Variants in NUMB observed in about 807,000 individuals in gnomAD.
NUMB encodes protein numb homolog.
Under a neutral mutation model 59.7 loss-of-function variants are expected in NUMB, and 29 were observed. The ratio of observed to expected loss-of-function variants is 0.49; its 90% CI spans 0.36 to 0.66. NUMB has a LOEUF of 0.66. NUMB is among the 30% of genes least tolerant of loss of function. The pLI is 0.00. For missense variants in NUMB, 723 were observed against 822.0 expected (o/e 0.88, Z 1.47); for synonymous variants, 288 against 288.2 (o/e 1.00, Z 0.01).
intron 3 of NUMB, among the ~76,000 whole-genome samples, chr14:73,358,220 T>A (rs995729846): frequency 6.6e-6 from 1 of 152,212 alleles, no homozygotes; most frequent in African/African-American, 2.4e-5. Context: ...AATACTCAAG[T>A]ATAAGTGATA....
chr14:73,359,164 A>G lies in NUMB; in HGVS notation c.-15-3398T>C, dbSNP rs1166959442. Among the ~76,000 whole-genome samples, 5 of 152,352 alleles carry G rather than the reference A, an allele frequency of 3.3e-5. No homozygotes were observed. The East Asian group carries it at 5.8e-4, about 18-fold the overall frequency. ...TTTAAAAAATGAATTTGGAAAAACG[A>G]AAACACATAATTATGATATCTTGCT... On this transcript the variant is annotated intron_variant, in intron 3 of 12. Coordinates refer to ENST00000555238, the MANE Select transcript of NUMB (RefSeq NM_001005743.2).
intron 1 of NUMB, among the ~76,000 whole-genome samples, chr14:73,437,470 G>A (rs990213114): frequency 9.2e-5 from 14 of 152,280 alleles, no homozygotes; most frequent in African/African-American, 3.4e-4. Context: ...ATACAACCTG[G>A]ATCTGAGGTA....
At chr14:73,353,544 T>C (rs564649070) in intron 4 of NUMB, among the ~76,000 whole-genome samples, 2 of 150,862 alleles carry the variant, frequency 1.3e-5, no homozygotes, top group South Asian at 4.3e-4. Flanking sequence ...AAATGAAAAG[T>C]GCATTTAAAA....
chr14:73,364,261 GGGCGGATAACTTGA>G (rs1389909630), intron 3 of NUMB, among the ~76,000 whole-genome samples: 4 of 152,134 alleles, frequency 2.6e-5, no homozygotes, highest in Admixed American at 6.5e-5. Context: ...GTGCTGAGGT[GGGCGGATAACTTGA>G]GGCGGATAAC....
intron 2 of NUMB, among the ~76,000 whole-genome samples, chr14:73,377,994 T>TAC (rs61489875): frequency 0.063 from 9,255 of 146,486 alleles, 577 homozygotes; most frequent in African/African-American, 0.17. Flanking sequence ...TATATACACA[T>TAC]ACACACACAC....
intron 1 of NUMB, among the ~76,000 whole-genome samples, chr14:73,434,346 C>A (rs1472896654): frequency 6.6e-6 from 1 of 152,144 alleles, no homozygotes; most frequent in African/African-American, 2.4e-5. Flanking sequence ...TAGCTGCCCT[C>A]ACAGGAGTTA....
In NUMB at chr14:73,335,009, T is replaced by C. The variant is rs140225041; in HGVS notation, c.127-11805A>G. 3.4e-3 allele frequency among the ~76,000 whole-genome samples: 518 copies of C among 152,106 alleles called. 2 individuals carry two copies. Among genetic ancestry groups the C allele is most frequent in the Middle Eastern group, 0.01 (3 of 294 alleles). On this transcript the variant is annotated intron_variant, in intron 4 of 12. Coordinates refer to ENST00000555238, the MANE Select transcript of NUMB (RefSeq NM_001005743.2). ...CAAGTATTCACATATCTTAATTTCT[T>C]TGGGTTCTGTGGTTGGGTCTCCCCA...
chr14:73,403,547 G>A (rs1327308905), intron 2 of NUMB, among the ~76,000 whole-genome samples: 1 of 152,226 alleles, frequency 6.6e-6, no homozygotes, highest in Non-Finnish European at 1.5e-5. Flanking sequence ...CAAGAATACA[G>A]AATCGGGGAG....
intron 8 of NUMB, among the ~76,000 whole-genome samples, chr14:73,288,269 TA>T (rs746164626): frequency 2.8e-4 from 41 of 148,136 alleles, no homozygotes; most frequent in Non-Finnish European, 3.1e-4. Flanking sequence ...TAAAAAAAAT[TA>T]GGCCAGGTGC....
chr14:73,321,891 T>C (rs893459193), intron 5 of NUMB, among the ~76,000 whole-genome samples: 1 of 152,192 alleles, frequency 6.6e-6, no homozygotes, highest in African/African-American at 2.4e-5. Flanking sequence ...GCCAATTACT[T>C]TTCTCTTTTC....
At chr14:73,316,310 C>T in intron 6 of NUMB, 80 bp downstream of exon 6, 3 of 1,188,126 alleles carry the variant, frequency 2.5e-6, no homozygotes, top group Non-Finnish European at 2.5e-6. Flanking sequence ...CAAAGCTGTA[C>T]TAGTTTTAAA....
chr14:73,365,295 C>T (rs981821254), intron 3 of NUMB, among the ~76,000 whole-genome samples: 10 of 152,150 alleles, frequency 6.6e-5, no homozygotes, highest in African/African-American at 2.4e-4. Flanking sequence ...CCCATCTCAG[C>T]CTCCCAAAGT....
intron 6 of NUMB, chr14:73,299,088 T>C (rs1294823881): frequency 1.3e-5 from 2 of 152,120 alleles, no homozygotes; most frequent in Non-Finnish European, 2.9e-5. Context: ...GTAACAGAGG[T>C]ACTGGACATG....
chr14:73,349,112 A>G (rs1316822556), intron 4 of NUMB, among the ~76,000 whole-genome samples: 8 of 152,254 alleles, frequency 5.3e-5, no homozygotes, highest in Non-Finnish European at 1.0e-4. Context: ...CATACTATAT[A>G]CATAGTTCTG....
At chr14:73,377,800 C>G (rs1336705269) in intron 2 of NUMB, among the ~76,000 whole-genome samples, 1 of 152,182 alleles carries the variant, frequency 6.6e-6, no homozygotes, top group African/African-American at 2.4e-5. Flanking sequence ...AACCCTGTCT[C>G]TACCAAAAAT....
intron 4 of NUMB, among the ~76,000 whole-genome samples, chr14:73,338,254 T>A (rs1267931759): frequency 6.6e-6 from 1 of 151,988 alleles, no homozygotes; most frequent in African/African-American, 2.4e-5. Context: ...GCCATTGCAC[T>A]CCAGCCTGGG....
chr14:73,426,809 T>C (rs1897602577), intron 1 of NUMB, among the ~76,000 whole-genome samples: 1 of 151,858 alleles, frequency 6.6e-6, no homozygotes, highest in East Asian at 1.9e-4. Flanking sequence ...ATGGTGCCAC[T>C]GCACTCCAGC....
chr14:73,389,294 C>CAAAAAACA (rs202010932), intron 2 of NUMB, among the ~76,000 whole-genome samples: 1 of 77,254 alleles, frequency 1.3e-5, no homozygotes. Flanking sequence ...AAAAAAAAAA[C>CAAAAAACA]AAAAACAAAA....
At chr14:73,326,456 G>A (rs544326964) in intron 4 of NUMB, among the ~76,000 whole-genome samples, 13 of 151,906 alleles carry the variant, frequency 8.6e-5, no homozygotes, top group Admixed American at 5.2e-4. Context: ...GCGAAACCCC[G>A]TCTCTACTAA....
Sources: allele counts gnomAD v4.1 joint callset (sites outside exome capture counted in the v4.1 genomes callset), GRCh38; gene constraint gnomAD v4.1.1; transcripts MANE v1.5; gene names NCBI Gene and HGNC (gene_info 2026-07-23, HGNC 2026-07-21).